The following CDK14 variants were observed in gnomAD, a reference collection of about 807,000 sequenced individuals.
CDK14 encodes cyclin-dependent kinase 14.
In CDK14, 34 loss-of-function variants were observed where a neutral mutation model predicts 60.7. The observed-to-expected ratio is 0.56, with a 90% CI of 0.43 to 0.75. The LOEUF (loss-of-function observed/expected upper bound fraction) is 0.75, where lower values mean the gene tolerates loss of function less well. Among genes scored for constraint, CDK14 ranks in the 30% least tolerant of loss-of-function variants. The pLI is 0.00. For synonymous variants in CDK14, 197 were observed against 203.7 expected, an observed-to-expected ratio of 0.97 and a Z score of 0.28; for missense variants, 482 against 564.1, an observed-to-expected ratio of 0.85 and a Z score of 1.47.
chr7:90,823,174 A>G (rs956395102), intron 5 of CDK14, among the ~76,000 whole-genome samples: 1 of 152,184 alleles, frequency 6.6e-6, no homozygotes, highest in Non-Finnish European at 1.5e-5. Flanking sequence ...GCTTCTGGAT[A>G]TTAGCATACA....
intron 12 of CDK14, among the ~76,000 whole-genome samples, chr7:91,095,702 C>T (rs1369919102): frequency 1.3e-5 from 2 of 151,848 alleles, no homozygotes; most frequent in Non-Finnish European, 1.5e-5. Flanking sequence ...AGGAAATTCT[C>T]CCTATGTTTC....
chr7:90,675,160 A>G (rs1168412957), intron 2 of CDK14, among the ~76,000 whole-genome samples: 1 of 152,006 alleles, frequency 6.6e-6, no homozygotes, highest in Non-Finnish European at 1.5e-5. Flanking sequence ...TGCCCACTCA[A>G]CCTTTCTTTT....
At chr7:90,762,341 C>A (rs1355175562) in intron 4 of CDK14, among the ~76,000 whole-genome samples, 2 of 151,938 alleles carry the variant, frequency 1.3e-5, no homozygotes, top group Non-Finnish European at 1.5e-5. Flanking sequence ...CATCTGAGTC[C>A]CTCCAGGGTT....
At chr7:90,831,524 A>G (rs1789909862) in intron 5 of CDK14, among the ~76,000 whole-genome samples, 1 of 152,074 alleles carries the variant, frequency 6.6e-6, no homozygotes, top group South Asian at 2.1e-4. Flanking sequence ...CAATTTTTAG[A>G]TTAGATTTTT....
chr7:91,189,879 A>G (rs1479426912), intron 14 of CDK14, among the ~76,000 whole-genome samples: 3 of 152,208 alleles, frequency 2.0e-5, no homozygotes, highest in African/African-American at 7.2e-5. Flanking sequence ...TTGGAGTAAT[A>G]AAACCTGAGT....
At chr7:90,778,557 A>T (rs1394200953) in intron 4 of CDK14, among the ~76,000 whole-genome samples, 3 of 152,154 alleles carry the variant, frequency 2.0e-5, no homozygotes, top group Non-Finnish European at 4.4e-5. Flanking sequence ...ACCCTTCTTA[A>T]GATCTTTCAG....
intron 14 of CDK14, among the ~76,000 whole-genome samples, chr7:91,181,740 C>T (rs1313164710): frequency 1.3e-5 from 2 of 151,946 alleles, no homozygotes; most frequent in Admixed American, 1.3e-4. Flanking sequence ...TTTTTTTGAC[C>T]AATGGGAGAC....
Position 91,095,580 on chromosome 7 carries a change from A to G in CDK14, c.1154+16100A>G, listed in dbSNP as rs1300468555. On this transcript the variant is annotated intron_variant, in intron 12 of 14. Transcript: ENST00000380050. ...AAATTTTTAAAAAGACTTGGTATCA[A>G]CTTAACCAAGATTAAAGGAATGGGG... is the stretch of plus-strand genomic sequence containing the variant. 2.6e-5 allele frequency among the ~76,000 whole-genome samples: 4 copies of G among 152,320 alleles called. No homozygotes were observed. In the East Asian group the frequency reaches 5.8e-4, roughly 22 times the overall value.
chr7:90,824,736 G>C (rs982189642), intron 5 of CDK14: 2 of 152,072 alleles, frequency 1.3e-5, no homozygotes, highest in Admixed American at 6.5e-5. Context: ...GTAATGATCT[G>C]GTGGATTTAT....
At chr7:90,716,219 A>G (rs1348537306) in intron 2 of CDK14, 2 of 151,996 alleles carry the variant, frequency 1.3e-5, no homozygotes, top group African/African-American at 4.8e-5. Context: ...CTGGAGTGGG[A>G]AATGTTCAGT....
At chr7:90,659,837 TTCTCTCTCTCTCTC>T (rs58582287) in intron 2 of CDK14, among the ~76,000 whole-genome samples, 10 of 110,510 alleles carry the variant, frequency 9.0e-5, no homozygotes, top group South Asian at 3.6e-4. Context: ...CAGGGAATGC[TTCTCTCTCTCTCTC>T]TCTCTCTCTC....
intron 8 of CDK14, among the ~76,000 whole-genome samples, chr7:90,947,458 T>C (rs747606741): frequency 1.5e-4 from 23 of 152,208 alleles, no homozygotes; most frequent in Non-Finnish European, 2.9e-4. Flanking sequence ...AGGCATTAGT[T>C]TTCTTTCTGT....
At chr7:90,638,218 C>A (rs1190236288) in intron 2 of CDK14, among the ~76,000 whole-genome samples, 1 of 152,166 alleles carries the variant, frequency 6.6e-6, no homozygotes, top group Non-Finnish European at 1.5e-5. Context: ...GCAGTTTCTT[C>A]CTAGTCCTGA....
chr7:90,609,581 C>G (rs1251807782), intron 2 of CDK14, among the ~76,000 whole-genome samples: 1 of 152,152 alleles, frequency 6.6e-6, no homozygotes, highest in Non-Finnish European at 1.5e-5. Flanking sequence ...ATGTAAGAAG[C>G]TGGCTCTCCC....
rs1050954840 is a variant in CDK14, at chr7:90,740,569, C to T, written c.370-7112C>T. ...GAGAAGGTGGCCATCTGCAAGCCAA[C>T]GTGAGAGGACTCAGGAGAAACAAAC... On this transcript the variant is annotated intron_variant, in intron 3 of 14. Transcript: ENST00000380050. 8.5e-5 allele frequency among the ~76,000 whole-genome samples: 13 copies of T among 152,198 alleles called. No individual in the cohort carries two copies. The East Asian group carries it at 9.7e-4, about 11-fold the overall frequency.
At chr7:90,766,366 A>C (rs1213637607) in intron 4 of CDK14, among the ~76,000 whole-genome samples, 1 of 152,210 alleles carries the variant, frequency 6.6e-6, no homozygotes, top group African/African-American at 2.4e-5. Context: ...AAATACATTT[A>C]GTGTTTAGAA....
intron 2 of CDK14, among the ~76,000 whole-genome samples, chr7:90,658,088 T>C (rs1800787637): frequency 6.6e-6 from 1 of 152,190 alleles, no homozygotes; most frequent in African/African-American, 2.4e-5. Context: ...ACCCTGTGCC[T>C]GCTAGCAGTC....
intron 4 of CDK14, among the ~76,000 whole-genome samples, chr7:90,759,952 C>G (rs1374431061): frequency 6.6e-6 from 1 of 152,166 alleles, no homozygotes; most frequent in Non-Finnish European, 1.5e-5. Context: ...AAAGCCTGCC[C>G]ACACTGGTTT....
intron 1 of CDK14, among the ~76,000 whole-genome samples, chr7:90,602,487 C>T (rs945665800): frequency 6.6e-6 from 1 of 152,160 alleles, no homozygotes; most frequent in African/African-American, 2.4e-5. Context: ...TTAAAGGACA[C>T]GCCTTGGGTT....
Sources: allele counts gnomAD v4.1 joint callset (sites outside exome capture counted in the v4.1 genomes callset), GRCh38; gene constraint gnomAD v4.1.1; transcripts MANE v1.5; gene names NCBI Gene and HGNC (gene_info 2026-07-23, HGNC 2026-07-21).